RBFOX1: variants seen among roughly 807,000 people sequenced by gnomAD.
RBFOX1 encodes RNA binding fox-1 homolog 1, also known as RNA binding protein fox-1 homolog 1.
Under a neutral mutation model 57.7 loss-of-function variants are expected in RBFOX1, and 8 were observed. The ratio of observed to expected loss-of-function variants is 0.14; its 90% confidence interval spans 0.08 to 0.25. The LOEUF (loss-of-function observed/expected upper bound fraction) is 0.25, where lower values mean the gene tolerates loss of function less well. RBFOX1 is among the 10% of genes least tolerant of loss of function. The pLI, the probability that RBFOX1 is intolerant of heterozygous loss-of-function variation, is 1.00. For missense variants in RBFOX1, 611 were observed against 548.5 expected (o/e 1.11, Z -1.14); for synonymous variants, 326 against 222.4 (o/e 1.47, Z -4.15).
At chr16:6,831,418 T>C (rs578251044) in intron 3 of RBFOX1, among the ~76,000 whole-genome samples, 22 of 152,354 alleles carry the variant, frequency 1.4e-4, no homozygotes, top group African/African-American at 5.0e-4. Context: ...ACAGGAATAC[T>C]CTGAAACATA....
intron 3 of RBFOX1, among the ~76,000 whole-genome samples, chr16:5,829,607 T>C (rs1437741349): frequency 6.6e-6 from 1 of 151,990 alleles, no homozygotes; most frequent in Admixed American, 6.6e-5. Context: ...TCCTTTTCTT[T>C]CTCTCTTCAG....
At chr16:6,866,585 A>C (rs1384712042) in intron 3 of RBFOX1, among the ~76,000 whole-genome samples, 2 of 110,762 alleles carry the variant, frequency 1.8e-5, no homozygotes, top group Non-Finnish European at 3.3e-5. Flanking sequence ...TCTGTCCCCC[A>C]GGCTGGAGTG....
At chr16:6,526,237 C>T (rs527468147) in intron 2 of RBFOX1, among the ~76,000 whole-genome samples, 7 of 152,194 alleles carry the variant, frequency 4.6e-5, no homozygotes, top group Admixed American at 4.6e-4. Context: ...CCCAATGTTT[C>T]TGCCACCATT....
chr16:7,611,061 A>G (rs1395850994), intron 10 of RBFOX1, among the ~76,000 whole-genome samples: 1 of 152,200 alleles, frequency 6.6e-6, no homozygotes, highest in African/African-American at 2.4e-5. Context: ...ATTTCTCTAT[A>G]TAAGGTTGTG....
intron 3 of RBFOX1, among the ~76,000 whole-genome samples, chr16:7,013,485 C>T (rs549559333): frequency 1.6e-3 from 251 of 152,228 alleles, no homozygotes; most frequent in African/African-American, 5.4e-3. Flanking sequence ...TGAAGGCATG[C>T]CTCTAAATAT....
intron 11 of RBFOX1, among the ~76,000 whole-genome samples, chr16:7,649,290 C>G (rs900350172): frequency 9.2e-5 from 14 of 152,162 alleles, no homozygotes; most frequent in Non-Finnish European, 1.3e-4. Context: ...TTCTTAATTA[C>G]TATATTTTGC....
At chr16:5,756,345 A>G (rs562765964) in intron 3 of RBFOX1, among the ~76,000 whole-genome samples, 2 of 151,848 alleles carry the variant, frequency 1.3e-5, no homozygotes, top group South Asian at 4.2e-4. Flanking sequence ...AAACTGTAGG[A>G]CTTAACCTAG....
chr16:7,473,487 A>T (rs1312771784), intron 4 of RBFOX1, among the ~76,000 whole-genome samples: 3 of 148,222 alleles, frequency 2.0e-5, no homozygotes, highest in African/African-American at 7.4e-5. Flanking sequence ...ATATATGTAT[A>T]TATGTTTATA....
At chr16:6,373,019 TG>T (rs2152897634) in intron 2 of RBFOX1, among the ~76,000 whole-genome samples, 1 of 150,614 alleles carries the variant, frequency 6.6e-6, no homozygotes, top group East Asian at 2.0e-4. Context: ...GGAGGATGGT[TG>T]GGTGGAATGG....
intron 1 of RBFOX1, among the ~76,000 whole-genome samples, chr16:6,083,588 A>C (rs2096041549): frequency 6.6e-6 from 1 of 151,936 alleles, no homozygotes; most frequent in Non-Finnish European, 1.5e-5. Flanking sequence ...ATGATCCTCC[A>C]GCCTCAGCCT....
intron 4 of RBFOX1, among the ~76,000 whole-genome samples, chr16:7,150,660 A>G (rs901748610): frequency 1.3e-5 from 2 of 152,218 alleles, no homozygotes; most frequent in Admixed American, 1.3e-4. Context: ...AGGAAGAATT[A>G]TTGAAAAGTA....
chr16:5,858,837 C>T (rs923230769), intron 3 of RBFOX1, among the ~76,000 whole-genome samples: 7 of 152,172 alleles, frequency 4.6e-5, no homozygotes, highest in African/African-American at 1.4e-4. Flanking sequence ...AAGATGAGTC[C>T]TGGCGGCTCA....
Position 5,920,512 on chromosome 16 carries a change from G to A in RBFOX1, c.351+53177G>A, listed in dbSNP as rs551368940. Among the ~76,000 whole-genome samples the A allele has an allele frequency of 8.5e-5, 13 of 152,260 alleles. No homozygotes were observed. In the East Asian group the frequency reaches 2.5e-3, roughly 30 times the overall value. On this transcript the variant is annotated intron_variant, in intron 4 of 19. Coordinates refer to the RBFOX1 transcript ENST00000641259. The stretch of plus-strand genomic sequence containing the variant: ...ATATGGCAATTCGTTAACTTATAGG[G>A]GAACTGATCACAGCTTTTTGAGTGT...
intron 1 of RBFOX1, among the ~76,000 whole-genome samples, chr16:6,177,000 A>AAGTGG (rs1287081882): frequency 2.6e-5 from 4 of 152,204 alleles, no homozygotes; most frequent in Non-Finnish European, 2.9e-5. Flanking sequence ...TAACCATTCC[A>AAGTGG]AGTGGAGATA....
chr16:6,979,891 G>C (rs975631104), intron 3 of RBFOX1, among the ~76,000 whole-genome samples: 1 of 152,094 alleles, frequency 6.6e-6, no homozygotes, highest in Non-Finnish European at 1.5e-5. Flanking sequence ...TCTAGGTGTG[G>C]CCACAGGACA....
chr16:6,689,509 T>A (rs1443644336), intron 3 of RBFOX1, among the ~76,000 whole-genome samples: 1 of 152,130 alleles, frequency 6.6e-6, no homozygotes, highest in African/African-American at 2.4e-5. Flanking sequence ...ATGCACAAAT[T>A]TTTTTTATGT....
chr16:7,179,104 G>A (rs566051003), intron 4 of RBFOX1, among the ~76,000 whole-genome samples: 2 of 151,998 alleles, frequency 1.3e-5, no homozygotes, highest in South Asian at 2.1e-4. Context: ...CTTCGTTTTG[G>A]TCAGATCCCA....
At chr16:6,037,059 G>A (rs957280608) in intron 1 of RBFOX1, among the ~76,000 whole-genome samples, 1 of 152,194 alleles carries the variant, frequency 6.6e-6, no homozygotes, top group Non-Finnish European at 1.5e-5. Context: ...GGATTGGGGT[G>A]CAACTGTATT....
chr16:6,630,987 G>C (rs564919552), intron 2 of RBFOX1, among the ~76,000 whole-genome samples: 129 of 152,214 alleles, frequency 8.5e-4, no homozygotes, highest in African/African-American at 2.7e-3. Flanking sequence ...AGGGAAGGAG[G>C]CTATACTTGG....
Sources: gnomAD v4.1 joint callset for allele counts (sites outside exome capture counted in the v4.1 genomes callset) on GRCh38, gnomAD v4.1.1 for gene constraint, MANE v1.5 for transcripts, NCBI Gene and HGNC (gene_info 2026-07-23, HGNC 2026-07-21) for gene names.